DGKB: variants seen among roughly 807,000 people sequenced by gnomAD.
The protein encoded by DGKB is diacylglycerol kinase beta, also known as 90 kDa diacylglycerol kinase.
Under a neutral mutation model 114.3 loss-of-function variants are expected in DGKB, and 67 were observed. The ratio of observed to expected loss-of-function variants is 0.59; its 90% CI spans 0.48 to 0.72. The LOEUF is 0.72. DGKB is among the 30% of genes least tolerant of loss of function. The pLI is 0.00. For synonymous variants in DGKB, 398 were observed against 323.1 expected, an observed-to-expected ratio of 1.23 and a Z score of -2.49; for missense variants, 907 against 975.2, an observed-to-expected ratio of 0.93 and a Z score of 0.93.
In DGKB at chr7:14,798,960, G is replaced by A. The variant is rs139323414; in HGVS notation, c.71-41229C>T. On this transcript the variant is annotated intron_variant, in intron 2 of 25. Transcript: ENST00000402815. The stretch of plus-strand genomic sequence containing the variant: ...TCAAAAGCAATACTGCGTCCCTGAG[G>A]GATTACAGAAATTAGTGCCATCATC... 2.0e-5 allele frequency among the ~76,000 whole-genome samples: 3 copies of A among 152,228 alleles called. No homozygotes were observed. In the East Asian group the frequency reaches 5.8e-4, roughly 29 times the overall value.
intron 17 of DGKB, among the ~76,000 whole-genome samples, chr7:14,605,388 ATG>A (rs111647761): frequency 0.018 from 2,605 of 146,856 alleles, 31 homozygotes; most frequent in South Asian, 0.024. Context: ...ACACCTATAT[ATG>A]TGTGTGTGTG....
intron 20 of DGKB, among the ~76,000 whole-genome samples, chr7:14,564,486 G>T (rs1454772646): frequency 1.3e-5 from 2 of 152,082 alleles, no homozygotes; most frequent in Non-Finnish European, 1.5e-5. Context: ...CTCACAAAGG[G>T]AATTAGTCTG....
intron 21 of DGKB, among the ~76,000 whole-genome samples, chr7:14,387,355 G>A (rs2128698569): frequency 6.7e-6 from 1 of 148,186 alleles, no homozygotes; most frequent in African/African-American, 2.5e-5. Context: ...GGAGGCTGCA[G>A]TCAGCTGAGA....
intron 12 of DGKB, among the ~76,000 whole-genome samples, chr7:14,679,226 T>C (rs1464514094): frequency 6.7e-6 from 1 of 150,250 alleles, no homozygotes; most frequent in South Asian, 2.1e-4. Flanking sequence ...AATGTATTTA[T>C]GTATTTCATA....
intron 1 of DGKB, among the ~76,000 whole-genome samples, chr7:14,960,497 A>G (rs1188666361): frequency 1.3e-5 from 2 of 152,086 alleles, no homozygotes; most frequent in East Asian, 1.9e-4. Flanking sequence ...TAAATAAAAT[A>G]TATTTTGAAA....
intron 25 of DGKB, among the ~76,000 whole-genome samples, chr7:14,156,067 A>G (rs777061116): frequency 1.1e-4 from 17 of 152,158 alleles, no homozygotes; most frequent in Non-Finnish European, 2.2e-4. Flanking sequence ...GAATACAAAC[A>G]GTCAGAGAGG....
chr7:14,313,511 C>T (rs962796322), intron 23 of DGKB, among the ~76,000 whole-genome samples: 9 of 152,144 alleles, frequency 5.9e-5, no homozygotes, highest in East Asian at 1.9e-4. Context: ...AAAGGGGTGA[C>T]GGACGGCACC....
intron 23 of DGKB, among the ~76,000 whole-genome samples, chr7:14,322,965 C>A (rs563183922): frequency 8.5e-5 from 13 of 152,082 alleles, no homozygotes; most frequent in African/African-American, 3.1e-4. Context: ...CTGATCATAG[C>A]GCAAATCAGT....
chr7:14,825,181 C>G (rs1220588743), intron 2 of DGKB, among the ~76,000 whole-genome samples: 1 of 151,434 alleles, frequency 6.6e-6, no homozygotes, highest in African/African-American at 2.4e-5. Context: ...AGCTGCCCTT[C>G]AGAGCAGGGC....
chr7:14,677,510 T>A (rs1820074795), intron 12 of DGKB, among the ~76,000 whole-genome samples: 1 of 151,962 alleles, frequency 6.6e-6, no homozygotes, highest in Non-Finnish European at 1.5e-5. Context: ...TAATAAACAA[T>A]ATTATCTCTA....
chr7:14,688,029 T>A lies in DGKB; in HGVS notation c.712-2667A>T, dbSNP rs77305599. 4.6e-5 allele frequency among the ~76,000 whole-genome samples: 7 copies of A among 152,352 alleles called. No individual in the cohort carries two copies. In the East Asian group the frequency reaches 1.4e-3, roughly 29 times the overall value. On this transcript the variant is annotated intron_variant, in intron 9 of 25. Transcript: ENST00000402815. ...ATATGCAAGGGATGAAATATGTATG[T>A]GACTTCTTTAAGAGAAGAAATTGAA...
chr7:14,700,841 C>T (rs73680194), intron 7 of DGKB, among the ~76,000 whole-genome samples: 268 of 152,180 alleles, frequency 1.8e-3, no homozygotes, highest in African/African-American at 5.8e-3. Context: ...AAAAATGGTA[C>T]ACTTCAAAAT....
chr7:14,562,016 C>G (rs1302881579), intron 20 of DGKB, among the ~76,000 whole-genome samples: 1 of 152,126 alleles, frequency 6.6e-6, no homozygotes, highest in Non-Finnish European at 1.5e-5. Context: ...GGGCCCAGGG[C>G]CCCCCTCATG....
rs1488280091 is a variant in DGKB, at chr7:14,145,535, T to G, written c.*3596A>C. On this transcript the variant is annotated 3_prime_UTR_variant, in exon 26 of 26. Transcript: ENST00000402815. ...GTGCAGTGGTGTGATCTTGGCTCAC[T>G]GCAACCGCAGCCTCCCGAGTTCAAG... 6.6e-6 allele frequency: 1 copy of G among 151,938 alleles called. No homozygotes were observed. The highest frequency in any genetic ancestry group is 1.5e-5 in the Non-Finnish European group (1 of 68,014). The allele number at this position is 151,938 out of a possible 1,614,324, so 9.4% of individuals were successfully genotyped here.
chr7:14,616,676 T>G (rs1232784928), intron 15 of DGKB, among the ~76,000 whole-genome samples: 1 of 151,746 alleles, frequency 6.6e-6, no homozygotes, highest in Non-Finnish European at 1.5e-5. Context: ...ACAGATGACT[T>G]CCTAGTTGAT....
chr7:14,603,761 T>C (rs1384643851), intron 17 of DGKB, among the ~76,000 whole-genome samples: 1 of 152,124 alleles, frequency 6.6e-6, no homozygotes, highest in Non-Finnish European at 1.5e-5. Flanking sequence ...TCCTGATCAA[T>C]CTGAAAAATA....
At chr7:14,565,808 A>G (rs1394881187) in intron 20 of DGKB, among the ~76,000 whole-genome samples, 4 of 152,018 alleles carry the variant, frequency 2.6e-5, no homozygotes, top group Non-Finnish European at 5.9e-5. Context: ...CTTTGCTTCC[A>G]TTCTTGAAAA....
chr7:14,600,935 A>T (rs1461903346), intron 17 of DGKB, among the ~76,000 whole-genome samples: 1 of 152,010 alleles, frequency 6.6e-6, no homozygotes, highest in Non-Finnish European at 1.5e-5. Flanking sequence ...GGAGTCTCAG[A>T]GGTGGCCCAG....
Position 14,687,592 on chromosome 7 carries a change from C to T in DGKB, c.712-2230G>A, listed in dbSNP as rs1374116904. On this transcript the variant is annotated intron_variant, in intron 9 of 25. Coordinates refer to ENST00000402815, the MANE Select transcript of DGKB (RefSeq NM_001350709.2). ...TATATCCCCTCAAATAATATTTAAA[C>T]ATCCTTATGTGGAAAGGTTAAATAT... Among the ~76,000 whole-genome samples the T allele has an allele frequency of 2.0e-5, 3 of 152,180 alleles. No individual in the cohort carries two copies. In the East Asian group the frequency reaches 5.8e-4, roughly 29 times the overall value.
Sources: allele counts gnomAD v4.1 joint callset (sites outside exome capture counted in the v4.1 genomes callset), GRCh38; gene constraint gnomAD v4.1.1; transcripts MANE v1.5; gene names NCBI Gene and HGNC (gene_info 2026-07-23, HGNC 2026-07-21).